Variants in NT5E observed in about 807,000 individuals in gnomAD.
The protein encoded by NT5E is 5'-nucleotidase ecto, also known as 5'-nucleotidase.
A neutral mutation model predicts 55.1 loss-of-function variants in NT5E; 53 were observed. The observed-to-expected ratio is 0.96, with a 90% CI of 0.77 to 1.21. The LOEUF (loss-of-function observed/expected upper bound fraction) is 1.21. NT5E is among the 50% of genes most tolerant of loss of function. NT5E has a pLI of 0.00. For synonymous variants in NT5E, 270 were observed against 278.4 expected (o/e 0.97, Z 0.30); for missense variants, 683 against 724.3 (o/e 0.94, Z 0.65).
chr6:85,464,261 T>C (rs571065050), intron 1 of NT5E, among the ~76,000 whole-genome samples: 1 of 152,272 alleles, frequency 6.6e-6, no homozygotes, highest in South Asian at 2.1e-4. Flanking sequence ...ATCAGTAAAA[T>C]GAGTGCAGTA....
chr6:85,470,870 T>A (rs1769290432), intron 2 of NT5E, among the ~76,000 whole-genome samples: 1 of 152,260 alleles, frequency 6.6e-6, no homozygotes, highest in African/African-American at 2.4e-5. Context: ...GTCTTGGAGT[T>A]GCTAATACTC....
chr6:85,466,609 G>A (rs924390434), intron 1 of NT5E, among the ~76,000 whole-genome samples: 2 of 152,178 alleles, frequency 1.3e-5, no homozygotes, highest in Non-Finnish European at 2.9e-5. Context: ...GAGGAAGGAG[G>A]CCTTTGGTCT....
intron 1 of NT5E, among the ~76,000 whole-genome samples, chr6:85,452,709 C>T (rs1194472615): frequency 6.6e-6 from 1 of 152,146 alleles, no homozygotes; most frequent in Non-Finnish European, 1.5e-5. Context: ...AAAGCATGTG[C>T]TAAAGCTCTG....
chr6:85,450,494 G>A lies in NT5E; in HGVS notation c.339+16G>A. On this transcript the variant is annotated intron_variant, in intron 1 of 8. Transcript: ENST00000257770. This position sits in a 1 kb window ranked among gnomAD's most constrained non-coding sequence, Gnocchi z 4.0. ...CGATGCCATGGTAAGACCCGAGCCC[G>A]CGCCCGGGATAGTAGTCCCGGACTG... The A allele has an allele frequency of 1.3e-6, 2 of 1,571,776 alleles. No individual in the cohort carries two copies. Among genetic ancestry groups the A allele is most frequent in the African/African-American group, 1.3e-5 (1 of 74,562 alleles).
intron 2 of NT5E, among the ~76,000 whole-genome samples, chr6:85,469,979 A>G (rs1055524789): frequency 6.6e-6 from 1 of 152,224 alleles, no homozygotes; most frequent in African/African-American, 2.4e-5. Flanking sequence ...TTGGATTAGT[A>G]CTTTTCAAAC....
chr6:85,486,003 G>C (rs1470591701), intron 4 of NT5E, among the ~76,000 whole-genome samples: 1 of 152,180 alleles, frequency 6.6e-6, no homozygotes, highest in East Asian at 1.9e-4. Flanking sequence ...GGTCCAGGGG[G>C]GTCACTGCCT....
At chr6:85,460,426 CTATT>C (rs2127754909) in intron 1 of NT5E, among the ~76,000 whole-genome samples, 2 of 152,318 alleles carry the variant, frequency 1.3e-5, no homozygotes, top group East Asian at 3.9e-4. Flanking sequence ...AGCATGGAAT[CTATT>C]TATTGGTTTT....
At chr6:85,484,252 C>T (rs1380957304) in intron 3 of NT5E, among the ~76,000 whole-genome samples, 2 of 152,200 alleles carry the variant, frequency 1.3e-5, no homozygotes, top group African/African-American at 2.4e-5. Flanking sequence ...GTCCCATAGT[C>T]TCTAATTTGA....
At chr6:85,452,832 G>A (rs1342925446) in intron 1 of NT5E, among the ~76,000 whole-genome samples, 2 of 152,092 alleles carry the variant, frequency 1.3e-5, no homozygotes, top group African/African-American at 2.4e-5. Flanking sequence ...ACCACTCACC[G>A]CATATTGATT....
intron 1 of NT5E, among the ~76,000 whole-genome samples, chr6:85,466,721 G>GT (rs1314644639): frequency 1.8e-4 from 28 of 152,292 alleles, no homozygotes; most frequent in African/African-American, 6.7e-4. Context: ...TGAAATGTGG[G>GT]TTTATGAGAG....
In NT5E at chr6:85,489,572, C is replaced by A. The variant is rs560304015; in HGVS notation, c.1183C>A (p.Arg395=). 3 of 1,613,588 alleles carry A rather than the reference C, an allele frequency of 1.9e-6. No individual in the cohort carries two copies. In the Admixed American group the frequency reaches 5.0e-5, roughly 27 times the overall value. Residue 395 remains arginine, a synonymous_variant, in exon 6 of 9, where the codon CGG becomes AGG. Coordinates refer to ENST00000257770, the MANE Select transcript of NT5E (RefSeq NM_002526.4). ...SMCILNGGGI[R]SPIDERNNGT... is the part of the protein sequence containing the mutation. ...GTGCATTTTAAATGGAGGTGGTATC[C>A]GGTCGCCCATTGATGAACGCAACAA...
intron 7 of NT5E, chr6:85,490,981 T>A (rs1769769178): frequency 2.7e-5 from 13 of 475,236 alleles, no homozygotes; most frequent in South Asian, 2.0e-4. Context: ...TCAATTATTT[T>A]TTTTTTAAAT....
intron 3 of NT5E, among the ~76,000 whole-genome samples, chr6:85,484,920 G>A (rs754952333): frequency 1.3e-5 from 2 of 152,198 alleles, no homozygotes; most frequent in African/African-American, 4.8e-5. Context: ...TAGTGAGAAT[G>A]GAGCCACAGT....
intron 3 of NT5E, among the ~76,000 whole-genome samples, chr6:85,475,665 C>G (rs780253352): frequency 5.9e-5 from 9 of 152,200 alleles, no homozygotes; most frequent in Admixed American, 3.9e-4. Context: ...ACAGGGGACT[C>G]TATTCTCTGT....
At chr6:85,482,621 A>G (rs1769571889) in intron 3 of NT5E, among the ~76,000 whole-genome samples, 1 of 151,946 alleles carries the variant, frequency 6.6e-6, no homozygotes. Context: ...TCAGTCCACA[A>G]CTCCACAGCC....
At chr6:85,481,810 A>G (rs1769556819) in intron 3 of NT5E, among the ~76,000 whole-genome samples, 1 of 152,230 alleles carries the variant, frequency 6.6e-6, no homozygotes, top group African/African-American at 2.4e-5. Flanking sequence ...TGAAATATCT[A>G]AAACCAGGAA....
chr6:85,466,174 C>T (rs34239697), intron 1 of NT5E, among the ~76,000 whole-genome samples: 26 of 152,052 alleles, frequency 1.7e-4, no homozygotes, highest in Non-Finnish European at 7.4e-5. Context: ...TCCACTCCCC[C>T]CCAGCCCCCA....
chr6:85,467,793 TTATGA>T (rs1769224212), intron 2 of NT5E, among the ~76,000 whole-genome samples: 1 of 152,014 alleles, frequency 6.6e-6, no homozygotes, highest in Non-Finnish European at 1.5e-5. Flanking sequence ...TATAGTGGTC[TTATGA>T]TATATATGGA....
rs1408858528 is a variant in NT5E at position 85,490,576 on chromosome 6, A to T, written c.1279A>T (p.Lys427Ter). The change falls in exon 7 of 9, where the codon AAA (lysine) becomes TAA (stop). Residue 427 changes from lysine (K) to a stop codon, truncating the protein, a stop_gained. Transcript: ENST00000257770. LOFTEE classifies it high-confidence loss of function. ...AGGCACATTTGACCTAGTCCAGTTA[A>T]AAGGTTCCACCCTGAAGAAGGCCTT... ...FGGTFDLVQL[K>*]GSTLKKAFEH... is the part of the protein sequence containing the mutation. The T allele has an allele frequency of 1.2e-6, 2 of 1,614,102 alleles. No homozygotes were observed. Among genetic ancestry groups the T allele is most frequent in the Non-Finnish European group, 1.7e-6 (2 of 1,180,022 alleles).
Sources: gnomAD v4.1 joint callset for allele counts (sites outside exome capture counted in the v4.1 genomes callset) on GRCh38, gnomAD v4.1.1 for gene constraint, Gnocchi (gnomAD v3.1) non-coding constraint, MANE v1.5 for transcripts, NCBI Gene and HGNC (gene_info 2026-07-23, HGNC 2026-07-21) for gene names.